The following EVI5L variants were observed in gnomAD, a reference collection of about 807,000 sequenced individuals.
The protein encoded by EVI5L is EVI5-like protein.
In EVI5L, 30 loss-of-function variants were observed where a neutral mutation model predicts 106.1. That is an observed-to-expected ratio of 0.28 (90% CI 0.21 to 0.38). The LOEUF is 0.38. EVI5L is among the 10% of genes least tolerant of loss of function. The probability of loss-of-function intolerance (pLI) is 1.00; values close to 1 mark genes in which losing one functional copy is unlikely to be tolerated. For missense variants in EVI5L, 809 were observed against 1,098.0 expected (o/e 0.74, Z 3.72); for synonymous variants, 489 against 483.3 (o/e 1.01, Z -0.15).
Position 7,835,300 on chromosome 19 carries a change from G to A in EVI5L, c.-48+4919G>A, listed in dbSNP as rs973730426. Among the ~76,000 whole-genome samples the A allele has an allele frequency of 6.6e-6, 1 of 152,052 alleles. No homozygotes were observed. Among genetic ancestry groups the A allele is most frequent in the Non-Finnish European group, 1.5e-5 (1 of 68,020 alleles). On this transcript the variant is annotated intron_variant, in intron 1 of 19. Coordinates refer to ENST00000538904, the MANE Select transcript of EVI5L (RefSeq NM_001159944.3). This position sits in a 1 kb window ranked among gnomAD's most constrained non-coding sequence, Gnocchi z 4.1. ...AGGCGGGTGCATCACCTGAGGTCAG[G>A]AGTTCGAGACCAGCTTGGTTAACAC...
intron 1 of EVI5L, among the ~76,000 whole-genome samples, chr19:7,836,757 A>T (rs1978358783): frequency 6.6e-6 from 1 of 151,420 alleles, no homozygotes; most frequent in African/African-American, 2.4e-5. Flanking sequence ...AGTAGCTGGG[A>T]TTATAGCCAT....
At chr19:7,847,184 T>A (rs1978990851) in intron 2 of EVI5L, among the ~76,000 whole-genome samples, 1 of 151,800 alleles carries the variant, frequency 6.6e-6, no homozygotes, top group African/African-American at 2.4e-5. Flanking sequence ...CTCAGCTACT[T>A]GGGAGCCTGA....
chr19:7,851,404 C>T lies in EVI5L; in HGVS notation c.754-30C>T, dbSNP rs371500431. 38 of 1,598,800 alleles carry T rather than the reference C, an allele frequency of 2.4e-5. No individual in the cohort carries two copies. In the African/African-American group the frequency reaches 5.0e-4, roughly 21 times the overall value. ...CCCCGGTGGGAGGGCGTCCCCCTCA[C>T]TGTGCCCACCCGGCCTCCCACCCCT... On this transcript the variant is annotated intron_variant, in intron 6 of 19. Transcript: ENST00000538904.
intron 1 of EVI5L, among the ~76,000 whole-genome samples, chr19:7,832,339 C>T (rs1978297109): frequency 6.6e-6 from 1 of 152,152 alleles, no homozygotes; most frequent in African/African-American, 2.4e-5. Context: ...GGGCACTGTG[C>T]GTCTGGGGTC....
Position 7,863,009 on chromosome 19 carries a change from C to T in EVI5L, c.1985C>T (p.Ala662Val). 1 of 1,580,414 alleles carries T rather than the reference C, an allele frequency of 6.3e-7. No homozygotes were observed. ...EEVMAVRLRE[A>V]DSMAAVAEMR... ...GTGATGGCTGTGCGACTGCGGGAGG[C>T]GGACAGCATGGCTGCGGTGGCCGAG... Residue 662 changes from alanine (A) to valine (V), a missense_variant, in exon 18 of 20, where the codon GCG becomes GTG. By Grantham distance (64) the Ala-to-Val change is moderately conservative. Around this residue, in one of 2 missense-constraint regions of EVI5L, gnomAD observed 452 missense variants for 509.9 expected, o/e 0.89. Transcript: ENST00000538904. This position sits in a 1 kb window ranked among gnomAD's most constrained non-coding sequence, Gnocchi z 7.7.
At position 7,857,958 on chromosome 19, in the gene EVI5L, C is replaced by G. The variant is rs894169702; in HGVS notation, c.1234-233C>G. The G allele has an allele frequency of 5.6e-6, 3 of 531,458 alleles. No individual in the cohort carries two copies. The East Asian group carries it at 9.7e-5, about 17-fold the overall frequency. The allele number at this position is 531,458 out of a possible 1,614,324, so 32.9% of individuals were successfully genotyped here. A position where few individuals can be genotyped will look rare whatever the true frequency, so the allele number is the denominator to read the frequency against. On this transcript the variant is annotated intron_variant, in intron 12 of 19. Coordinates refer to ENST00000538904, the MANE Select transcript of EVI5L (RefSeq NM_001159944.3). This position sits in a 1 kb window ranked among gnomAD's most constrained non-coding sequence, Gnocchi z 4.5. The stretch of plus-strand genomic sequence containing the variant: ...GGGAAGGAGATGGAGCTTTCCAAGC[C>G]CAGGGCTAGCTCTGTTCCTCCCGGG...
rs1599569192 is a variant in EVI5L, at chr19:7,848,785, A to G, written c.328-136A>G. On this transcript the variant is annotated intron_variant, in intron 3 of 19. Coordinates refer to ENST00000538904, the MANE Select transcript of EVI5L (RefSeq NM_001159944.3). This position sits in a 1 kb window ranked among gnomAD's most constrained non-coding sequence, Gnocchi z 4.8. ...CCCTGTCTCTGAAAAAAGGGGGTAA[A>G]AAAAGGATTGGGGACCATGAGTTCT... The G allele has an allele frequency of 2.5e-6, 2 of 791,892 alleles. No homozygotes were observed. The highest frequency in any genetic ancestry group is 5.4e-5 in the East Asian group (2 of 37,018). The allele number at this position is 791,892 out of a possible 1,614,324, so 49.1% of individuals were successfully genotyped here.
At chr19:7,851,344 G>C (rs968601105) in intron 6 of EVI5L, 90 bp from the exon 7 acceptor site, 102 of 1,478,010 alleles carry the variant, frequency 6.9e-5, no homozygotes, top group Non-Finnish European at 9.1e-5. Context: ...GTCCAGGAAG[G>C]CTCCCTGGAG....
rs924785000 is a variant in EVI5L, at chr19:7,849,977, C to A, written c.628-20C>A. 1.5e-5 allele frequency: 23 copies of A among 1,573,194 alleles called. No individual in the cohort carries two copies. Among genetic ancestry groups the A allele is most frequent in the African/African-American group, 9.4e-5 (7 of 74,242 alleles). ...CCCGCTGCGCTGCCCTGAGCCCCCCCACCTGCCCGTCCCCCCTAGATGCCT... is the reference window on the plus strand; with the variant it reads ...CCCGCTGCGCTGCCCTGAGCCCCCCAACCTGCCCGTCCCCCCTAGATGCCT... On this transcript the variant is annotated intron_variant, in intron 5 of 19. Coordinates refer to ENST00000538904, the MANE Select transcript of EVI5L (RefSeq NM_001159944.3).
In EVI5L at chr19:7,845,168, A is replaced by C. The variant is rs1170921770; in HGVS notation, c.-47-1328A>C. On this transcript the variant is annotated intron_variant, in intron 1 of 19. Coordinates refer to ENST00000538904, the MANE Select transcript of EVI5L (RefSeq NM_001159944.3). This position sits in a 1 kb window ranked among gnomAD's most constrained non-coding sequence, Gnocchi z 4.0. ...AAGTGGCACACGGCAGACTCCTGCT[A>C]CAGAGCGTGCCGGGCAGTGGGCGGG... 6.6e-6 allele frequency among the ~76,000 whole-genome samples: 1 copy of C among 152,144 alleles called. No individual in the cohort carries two copies. The highest frequency in any genetic ancestry group is 1.5e-5 in the Non-Finnish European group (1 of 67,996).
intron 1 of EVI5L, among the ~76,000 whole-genome samples, chr19:7,834,113 G>A (rs1342758663): frequency 2.6e-5 from 4 of 152,210 alleles, no homozygotes; most frequent in African/African-American, 4.8e-5. Context: ...TTGGGAGGCC[G>A]AGGCGGGTGG....
rs1979219091 is a variant in EVI5L, at chr19:7,850,950, AAC to A, written c.754-480_754-479del. On this transcript the variant is annotated intron_variant, in intron 6 of 19. Transcript: ENST00000538904. The surrounding 1 kb of genome is among the most constrained non-coding windows in gnomAD (Gnocchi z 5.4). ...GGCTGTCTAGAGTTCAGGCCAATCC[AAC>A]ACAGCTTGCACAAAGCTTTATGCTG... is the stretch of plus-strand genomic sequence containing the variant. Among the ~76,000 whole-genome samples, 1 of 152,270 alleles carries A rather than the reference AAC, an allele frequency of 6.6e-6. No individual in the cohort carries two copies. The highest frequency in any genetic ancestry group is 1.9e-4 in the East Asian group (1 of 5,164).
At chr19:7,831,226 A>AACACACACAC (rs4045095) in intron 1 of EVI5L, among the ~76,000 whole-genome samples, 32 of 130,362 alleles carry the variant, frequency 2.5e-4, no homozygotes, top group Non-Finnish European at 4.6e-4. Context: ...GAAAACCCCA[A>AACACACACAC]ACACACACAC....
In EVI5L at chr19:7,860,502, G is replaced by A. The variant is rs1221776040; in HGVS notation, c.1375-59G>A. ...AGGCGGGGAGAAGCCAGCAGGCATG[G>A]AGGCTGCCCATCCCCCAGCCATGGC... On this transcript the variant is annotated intron_variant, in intron 13 of 19. Transcript: ENST00000538904. The A allele has an allele frequency of 1.8e-5, 26 of 1,464,904 alleles. No individual in the cohort carries two copies. The East Asian group carries it at 4.0e-4, about 22-fold the overall frequency. The allele number at this position is 1,464,904 out of a possible 1,614,324, so 90.7% of individuals were successfully genotyped here. A position where few individuals can be genotyped will look rare whatever the true frequency, so the allele number is the denominator to read the frequency against.
rs1207933738 is a variant in EVI5L, at chr19:7,853,029, C to T, written c.988-57C>T. The T allele has an allele frequency of 4.4e-6, 7 of 1,587,974 alleles. No homozygotes were observed. In the Admixed American group the frequency reaches 5.0e-5, roughly 11 times the overall value. On this transcript the variant is annotated intron_variant, in intron 8 of 19. Coordinates refer to ENST00000538904, the MANE Select transcript of EVI5L (RefSeq NM_001159944.3). ...CTCCAGGGCAACAGGGCTCGGGCGG[C>T]CCCCGGTGGTCAGGGCCTGCATGTT...
chr19:7,858,276 C>T lies in EVI5L; in HGVS notation c.1319C>T (p.Ala440Val), dbSNP rs924391316. The T allele has an allele frequency of 4.5e-6, 7 of 1,552,142 alleles. No homozygotes were observed. The highest frequency in any genetic ancestry group is 2.4e-5 in the East Asian group (1 of 41,296). The change falls in exon 13 of 20, where the codon GCG becomes GTG. Residue 440 changes from alanine to valine, a missense_variant. Coordinates refer to ENST00000538904, the MANE Select transcript of EVI5L (RefSeq NM_001159944.3). The surrounding 1 kb of genome is among the most constrained non-coding windows in gnomAD (Gnocchi z 5.7). Reference sequence around the variant, plus strand: ...GTGGTGCGGCAGCAGTGCAGCTCGGCGGCCGAGGACCTGCAGAAGGCACAG... The same window carrying T: ...GTGGTGCGGCAGCAGTGCAGCTCGGTGGCCGAGGACCTGCAGAAGGCACAG... ...LAVVRQQCSSAAEDLQKAQST... is the reference protein window; with the variant it reads ...LAVVRQQCSSVAEDLQKAQST...
chr19:7,863,007 G>A lies in EVI5L; in HGVS notation c.1983G>A (p.Glu661=). ...KEEVMAVRLR[E]ADSMAAVAEM... ...AGGTGATGGCTGTGCGACTGCGGGA[G>A]GCGGACAGCATGGCTGCGGTGGCCG... Residue 661 remains glutamate (E), a synonymous_variant, in exon 18 of 20, where the codon GAG becomes GAA. Transcript: ENST00000538904. This position sits in a 1 kb window ranked among gnomAD's most constrained non-coding sequence, Gnocchi z 7.7. The A allele has an allele frequency of 6.3e-7, 1 of 1,581,284 alleles. No homozygotes were observed. The highest frequency in any genetic ancestry group is 8.5e-7 in the Non-Finnish European group (1 of 1,171,472).
intron 1 of EVI5L, among the ~76,000 whole-genome samples, chr19:7,844,395 G>T (rs1379825876): frequency 6.6e-6 from 1 of 151,362 alleles, no homozygotes. Flanking sequence ...ATTGGGTGGG[G>T]CTGATGCCCT....
In EVI5L at chr19:7,862,425, C is replaced by G; in HGVS notation, c.1838C>G (p.Ala613Gly). 1 of 1,609,928 alleles carries G rather than the reference C, an allele frequency of 6.2e-7. No individual in the cohort carries two copies. Among genetic ancestry groups the G allele is most frequent in the Non-Finnish European group, 8.5e-7 (1 of 1,178,520 alleles). Residue 613 changes from alanine (A) to glycine (G), a missense_variant, in exon 17 of 20, where the codon GCG (alanine) becomes GGG (glycine). Ala to Gly is a moderately conservative substitution (Grantham distance 60). Transcript: ENST00000538904. ...IHRNLLNRVE[A>G]ERAALQEKLQ... The stretch of plus-strand genomic sequence containing the variant: ...CGCAACCTTCTGAACCGCGTGGAGG[C>G]GGAGCGCGCGGCGCTGCAGGAGAAG...
Sources: gnomAD v4.1 joint callset for allele counts (sites outside exome capture counted in the v4.1 genomes callset) on GRCh38, gnomAD v4.1.1 for gene constraint, gnomAD v4.1.1 regional missense constraint, Gnocchi (gnomAD v3.1) non-coding constraint, MANE v1.5 for transcripts, NCBI Gene and HGNC (gene_info 2026-07-23, HGNC 2026-07-21) for gene names.